AGBL1: variants seen among roughly 807,000 people sequenced by gnomAD.
AGBL1 encodes cytosolic carboxypeptidase 4.
In AGBL1, 130 loss-of-function variants were observed where a neutral mutation model predicts 118.9. That is an observed-to-expected ratio of 1.09 (90% CI 0.95 to 1.26). The LOEUF (loss-of-function observed/expected upper bound fraction) is 1.26. Ranked by LOEUF, AGBL1 falls within the 50% of genes most tolerant of loss-of-function variation. The pLI is 0.00. For synonymous variants in AGBL1, 555 were observed against 478.9 expected, an observed-to-expected ratio of 1.16 and a Z score of -2.08; for missense variants, 1,584 against 1,298.1, an observed-to-expected ratio of 1.22 and a Z score of -3.38.
intron 17 of AGBL1, among the ~76,000 whole-genome samples, chr15:86,301,010 T>C (rs1055327032): frequency 6.6e-6 from 1 of 152,174 alleles, no homozygotes; most frequent in African/African-American, 2.4e-5. Flanking sequence ...CCCTTTTGGC[T>C]TCTTTGCAAA....
chr15:86,630,575 T>G (rs576983753), intron 21 of AGBL1: 1 of 152,382 alleles, frequency 6.6e-6, no homozygotes, highest in African/African-American at 2.4e-5. Context: ...CTCTCACGGA[T>G]GCAGGTGCTG....
chr15:86,838,774 T>C (rs2079202780), intron 22 of AGBL1, among the ~76,000 whole-genome samples: 1 of 150,674 alleles, frequency 6.6e-6, no homozygotes, highest in Non-Finnish European at 1.5e-5. Context: ...ACCTCATCCC[T>C]ACAAAAAAAA....
At chr15:86,250,205 C>G (rs1373182641) in intron 7 of AGBL1, among the ~76,000 whole-genome samples, 1 of 152,066 alleles carries the variant, frequency 6.6e-6, no homozygotes, top group Non-Finnish European at 1.5e-5. Flanking sequence ...ACCACCACCA[C>G]TCGCCCTTGC....
intron 22 of AGBL1, among the ~76,000 whole-genome samples, chr15:86,739,049 G>A (rs937746091): frequency 2.6e-5 from 4 of 152,202 alleles, no homozygotes; most frequent in Admixed American, 2.6e-4. Context: ...AGGAGGCTAA[G>A]GCAGGAGAAT....
chr15:86,107,197 A>G (rs548242403), intron 1 of AGBL1, among the ~76,000 whole-genome samples: 5 of 152,340 alleles, frequency 3.3e-5, no homozygotes, highest in African/African-American at 1.2e-4. Flanking sequence ...CCACAGGACA[A>G]TGTGAAACAG....
chr15:86,716,392 C>A (rs1418236752), intron 22 of AGBL1, among the ~76,000 whole-genome samples: 1 of 151,744 alleles, frequency 6.6e-6, no homozygotes, highest in Non-Finnish European at 1.5e-5. Context: ...TGTATTTTAA[C>A]ATCTCTCCCA....
chr15:86,477,598 C>A (rs1273123895), intron 18 of AGBL1, among the ~76,000 whole-genome samples: 1 of 152,094 alleles, frequency 6.6e-6, no homozygotes, highest in Admixed American at 6.6e-5. Flanking sequence ...TAATTGCTTA[C>A]CAACCAAAAA....
chr15:86,613,315 C>A lies in AGBL1; in HGVS notation c.2994+58778C>A, dbSNP rs528096785. ...GCAGCATGGTGAAGGCAGTCGAGGT[C>A]CCATGAACTTGTAGGTGACTTTAGC... On this transcript the variant is annotated intron_variant, in intron 21 of 22. Transcript: ENST00000614907. The surrounding 1 kb of genome is among the most constrained non-coding windows in gnomAD (Gnocchi z 4.2). Among the ~76,000 whole-genome samples the A allele has an allele frequency of 6.6e-6, 1 of 152,266 alleles. No homozygotes were observed. Among genetic ancestry groups the A allele is most frequent in the African/African-American group, 2.4e-5 (1 of 41,560 alleles).
chr15:86,595,142 G>A (rs924891329), intron 21 of AGBL1, among the ~76,000 whole-genome samples: 3 of 152,264 alleles, frequency 2.0e-5, no homozygotes, highest in Non-Finnish European at 2.9e-5. Flanking sequence ...GTGAAGCTCT[G>A]TTCTTGGTCA....
chr15:86,931,689 G>T (rs1293923142), intron 23 of AGBL1, among the ~76,000 whole-genome samples: 1 of 152,046 alleles, frequency 6.6e-6, no homozygotes, highest in Admixed American at 6.5e-5. Flanking sequence ...TAAGGTATGT[G>T]TGTGGTGTGA....
At chr15:86,470,220 G>A (rs1281882778) in intron 18 of AGBL1, among the ~76,000 whole-genome samples, 1 of 152,076 alleles carries the variant, frequency 6.6e-6, no homozygotes, top group Non-Finnish European at 1.5e-5. Flanking sequence ...GATTTTAAGT[G>A]ATTAATTTAT....
At chr15:86,623,030 C>T (rs780985897) in intron 21 of AGBL1, among the ~76,000 whole-genome samples, 1 of 152,126 alleles carries the variant, frequency 6.6e-6, no homozygotes, top group Non-Finnish European at 1.5e-5. Flanking sequence ...GAATCTAATG[C>T]CACCACTGAT....
rs148388551 is a variant in AGBL1, at chr15:86,687,694, T to C, written c.3158+13258T>C. Reference sequence around the variant, plus strand: ...GTTCCACAAGTTGCTATGGAGTAGATTGATGGGAATTCTTAAATCTGCACG... The same window carrying C: ...GTTCCACAAGTTGCTATGGAGTAGACTGATGGGAATTCTTAAATCTGCACG... On this transcript the variant is annotated intron_variant, in intron 22 of 22. Transcript: ENST00000614907. Among the ~76,000 whole-genome samples the C allele has an allele frequency of 2.6e-5, 4 of 152,240 alleles. No individual in the cohort carries two copies. In the East Asian group the frequency reaches 5.8e-4, roughly 22 times the overall value.
At chr15:86,724,018 G>T (rs7165676) in intron 22 of AGBL1, among the ~76,000 whole-genome samples, 3 of 152,016 alleles carry the variant, frequency 2.0e-5, no homozygotes, top group Non-Finnish European at 4.4e-5. Flanking sequence ...GGCGGATCAC[G>T]AGGTCAGGAG....
chr15:86,464,501 C>T (rs1235548803), intron 18 of AGBL1, among the ~76,000 whole-genome samples: 1 of 152,194 alleles, frequency 6.6e-6, no homozygotes, highest in Non-Finnish European at 1.5e-5. Context: ...TGATAGAGGG[C>T]ATCCTTGTCT....
intron 17 of AGBL1, among the ~76,000 whole-genome samples, chr15:86,356,506 T>C (rs1258764138): frequency 2.6e-5 from 4 of 152,084 alleles, no homozygotes; most frequent in Non-Finnish European, 5.9e-5. Context: ...CTTGTTTTTT[T>C]CCAAAGCTGA....
intron 22 of AGBL1, among the ~76,000 whole-genome samples, chr15:86,840,373 T>C (rs965615375): frequency 2.0e-5 from 3 of 152,194 alleles, no homozygotes; most frequent in African/African-American, 4.8e-5. Flanking sequence ...TGTGTGGAAA[T>C]TGGACCAAGC....
intron 1 of AGBL1, among the ~76,000 whole-genome samples, chr15:86,097,263 T>A (rs576913199): frequency 3.8e-4 from 58 of 152,322 alleles, no homozygotes; most frequent in African/African-American, 1.4e-3. Context: ...AACGAGCAAG[T>A]CAGAGTAATT....
intron 23 of AGBL1, among the ~76,000 whole-genome samples, chr15:86,965,831 C>T (rs2141693823): frequency 6.6e-6 from 1 of 152,108 alleles, no homozygotes; most frequent in South Asian, 2.1e-4. Flanking sequence ...AGGGAGGGAA[C>T]ATCACACACC....
Sources: allele counts gnomAD v4.1 joint callset (sites outside exome capture counted in the v4.1 genomes callset), GRCh38; gene constraint gnomAD v4.1.1; non-coding constraint Gnocchi (gnomAD v3.1); transcripts MANE v1.5; gene names NCBI Gene and HGNC (gene_info 2026-07-23, HGNC 2026-07-21).